DOCK4: variants seen among roughly 807,000 people sequenced by gnomAD.
DOCK4 encodes dedicator of cytokinesis 4.
DOCK4 carries 97 observed loss-of-function variants against 268.1 expected under a neutral mutation model. The ratio of observed to expected loss-of-function variants is 0.36; its 90% CI spans 0.31 to 0.43. The LOEUF (loss-of-function observed/expected upper bound fraction) is 0.43, where lower values mean the gene tolerates loss of function less well. Among genes scored for constraint, DOCK4 ranks in the 20% least tolerant of loss-of-function variants. DOCK4 has a pLI of 1.00. For synonymous variants in DOCK4, 954 were observed against 887.2 expected, an observed-to-expected ratio of 1.08 and a Z score of -1.34; for missense variants, 2,145 against 2,455.7, an observed-to-expected ratio of 0.87 and a Z score of 2.67.
intron 8 of DOCK4, among the ~76,000 whole-genome samples, chr7:111,947,747 G>T (rs1795734052): frequency 6.6e-6 from 1 of 151,918 alleles, no homozygotes; most frequent in Non-Finnish European, 1.5e-5. Flanking sequence ...GGGTCGGGGG[G>T]AGGTCTCACT....
intron 30 of DOCK4, among the ~76,000 whole-genome samples, chr7:111,791,322 GTAT>G (rs1339124838): frequency 8.0e-6 from 1 of 125,512 alleles, no homozygotes; most frequent in Non-Finnish European, 1.5e-5. Context: ...TTAGTCTAGA[GTAT>G]TATATCCCTA....
intron 12 of DOCK4, among the ~76,000 whole-genome samples, chr7:111,928,913 CGT>C (rs1793960796): frequency 6.6e-6 from 1 of 152,066 alleles, no homozygotes; most frequent in Admixed American, 6.6e-5. Flanking sequence ...TTATAAAAGA[CGT>C]AGAGAAAATT....
At chr7:112,044,362 T>C (rs897836069) in intron 1 of DOCK4, among the ~76,000 whole-genome samples, 1 of 152,216 alleles carries the variant, frequency 6.6e-6, no homozygotes, top group African/African-American at 2.4e-5. Context: ...ACCTGTGTCC[T>C]TGGGCACCTC....
intron 1 of DOCK4, among the ~76,000 whole-genome samples, chr7:112,096,037 T>C (rs1234874666): frequency 6.6e-6 from 1 of 152,104 alleles, no homozygotes; most frequent in Non-Finnish European, 1.5e-5. Flanking sequence ...TGCGGTGTGC[T>C]GAGATTGCAC....
chr7:111,752,224 G>GGTAA (rs1479493695), intron 42 of DOCK4, among the ~76,000 whole-genome samples: 4 of 152,094 alleles, frequency 2.6e-5, no homozygotes, highest in African/African-American at 4.8e-5. Flanking sequence ...AGCAATGATG[G>GGTAA]GTAAGTCAGG....
chr7:111,741,080 A>G lies in DOCK4; in HGVS notation c.5040+14T>C, dbSNP rs1224224881. 6.2e-7 allele frequency: 1 copy of G among 1,613,082 alleles called. No homozygotes were observed. The highest frequency in any genetic ancestry group is 8.5e-7 in the Non-Finnish European group (1 of 1,179,698). On this transcript the variant is annotated intron_variant, in intron 47 of 52. Coordinates refer to ENST00000428084, the MANE Select transcript of DOCK4 (RefSeq NM_001363540.2). ...AAGGAATAAACACAACCAGACAAAA[A>G]GCTAATTAAGTACCTGCATGTTAAA... is the stretch of plus-strand genomic sequence containing the variant.
intron 13 of DOCK4, among the ~76,000 whole-genome samples, chr7:111,910,787 A>G (rs1006066081): frequency 6.6e-6 from 1 of 152,136 alleles, no homozygotes; most frequent in Admixed American, 6.5e-5. Flanking sequence ...AGCTTCACAG[A>G]AAATGTTTTT....
intron 30 of DOCK4, chr7:111,807,674 C>G (rs1800781542): frequency 6.6e-6 from 1 of 152,172 alleles, no homozygotes; most frequent in Non-Finnish European, 1.5e-5. Flanking sequence ...CAGGGTTTCA[C>G]CATGTTGGCC....
intron 4 of DOCK4, among the ~76,000 whole-genome samples, chr7:111,995,266 T>C (rs1799845993): frequency 6.6e-6 from 1 of 151,980 alleles, no homozygotes; most frequent in African/African-American, 2.4e-5. Flanking sequence ...ATCCTGACCT[T>C]GTGATCTGCC....
intron 1 of DOCK4, among the ~76,000 whole-genome samples, chr7:112,136,287 A>G (rs1344557956): frequency 1.6e-4 from 25 of 152,136 alleles, no homozygotes; most frequent in Admixed American, 1.6e-3. Flanking sequence ...TATCTTGTAG[A>G]TTTTTCTCTC....
intron 1 of DOCK4, among the ~76,000 whole-genome samples, chr7:112,006,549 G>T (rs188379337): frequency 1.3e-5 from 2 of 152,156 alleles, no homozygotes; most frequent in Admixed American, 1.3e-4. Context: ...ATTCAGCTAC[G>T]TAATATGTAA....
chr7:112,057,245 C>A (rs918471253), intron 1 of DOCK4, among the ~76,000 whole-genome samples: 1 of 151,946 alleles, frequency 6.6e-6, no homozygotes, highest in African/African-American at 2.4e-5. Flanking sequence ...AAGGCCCCAT[C>A]TCTTAAAAAA....
chr7:111,896,011 C>T (rs1172013234), intron 15 of DOCK4, among the ~76,000 whole-genome samples: 1 of 152,126 alleles, frequency 6.6e-6, no homozygotes, highest in African/African-American at 2.4e-5. Flanking sequence ...ACCCCAAAGT[C>T]CCATTGAGGG....
intron 17 of DOCK4, 137 bp from the exon 18 acceptor site, chr7:111,872,701 A>G (rs1330450167): frequency 3.2e-6 from 2 of 627,194 alleles, no homozygotes; most frequent in Non-Finnish European, 5.5e-6. Flanking sequence ...GGCTCCCACA[A>G]ACTATGACTA....
At chr7:112,194,160 G>C (rs538251012) in intron 1 of DOCK4, among the ~76,000 whole-genome samples, 71 of 152,250 alleles carry the variant, frequency 4.7e-4, no homozygotes, top group African/African-American at 1.6e-3. Context: ...CTATTATTCT[G>C]TAATTGCTAA....
chr7:111,737,895 A>AAT (rs1795614476), intron 49 of DOCK4, among the ~76,000 whole-genome samples: 1 of 152,168 alleles, frequency 6.6e-6, no homozygotes, highest in Admixed American at 6.5e-5. Context: ...ACTCAGATAT[A>AAT]ATTTCTGCAA....
At position 111,846,595 on chromosome 7, in the gene DOCK4, G is replaced by A. The variant is rs375601196; in HGVS notation, c.2601+404C>T. 2.4e-4 allele frequency among the ~76,000 whole-genome samples: 37 copies of A among 152,274 alleles called. No individual in the cohort carries two copies. The East Asian group carries it at 4.1e-3, about 17-fold the overall frequency. On this transcript the variant is annotated intron_variant, in intron 24 of 52. Transcript: ENST00000428084. ...TGCTTCTGCAATTTCCAGGGGACCC[G>A]GCCCAAGGACCACAGCCAAGTTCTG...
At chr7:111,734,705 A>G (rs1795348413) in intron 51 of DOCK4, among the ~76,000 whole-genome samples, 1 of 152,240 alleles carries the variant, frequency 6.6e-6, no homozygotes, top group African/African-American at 2.4e-5. Context: ...TGAAGAAAGT[A>G]GCTGAGTTAG....
At chr7:111,930,897 T>A (rs1040664418) in intron 12 of DOCK4, among the ~76,000 whole-genome samples, 1 of 152,166 alleles carries the variant, frequency 6.6e-6, no homozygotes, top group Non-Finnish European at 1.5e-5. Context: ...GGGAAGAGTA[T>A]AAGTTTTGCT....
Sources: allele counts gnomAD v4.1 joint callset (sites outside exome capture counted in the v4.1 genomes callset), GRCh38; gene constraint gnomAD v4.1.1; transcripts MANE v1.5; gene names NCBI Gene and HGNC (gene_info 2026-07-23, HGNC 2026-07-21).